BACH2: variants seen among roughly 807,000 people sequenced by gnomAD.
BACH2 encodes transcription regulator protein BACH2.
In BACH2, 5 loss-of-function variants were observed where a neutral mutation model predicts 61.8. The observed-to-expected ratio is 0.08, with a 90% confidence interval of 0.04 to 0.17. The LOEUF is 0.17. BACH2 is among the 10% of genes least tolerant of loss of function. The pLI, the probability that BACH2 is intolerant of heterozygous loss-of-function variation, is 1.00. For synonymous variants in BACH2, 446 were observed against 440.1 expected, an observed-to-expected ratio of 1.01 and a Z score of -0.17; for missense variants, 824 against 1,091.1, an observed-to-expected ratio of 0.76 and a Z score of 3.45.
intron 7 of BACH2, among the ~76,000 whole-genome samples, chr6:89,946,973 A>T (rs1403965611): frequency 1.3e-5 from 2 of 152,234 alleles, no homozygotes; most frequent in African/African-American, 4.8e-5. Flanking sequence ...ACACGGTATA[A>T]CTACAACATC....
At chr6:90,037,060 T>TA (rs1384950586) in intron 5 of BACH2, among the ~76,000 whole-genome samples, 4 of 152,124 alleles carry the variant, frequency 2.6e-5, no homozygotes, top group Non-Finnish European at 5.9e-5. Context: ...ATTATTCCAT[T>TA]AAATTAGGAA....
chr6:90,160,845 C>T (rs963574472), intron 4 of BACH2, among the ~76,000 whole-genome samples: 4 of 152,224 alleles, frequency 2.6e-5, no homozygotes, highest in African/African-American at 4.8e-5. Flanking sequence ...AATCCCAGCA[C>T]TTTGGGAGGC....
intron 4 of BACH2, among the ~76,000 whole-genome samples, chr6:90,123,697 G>A (rs1016953144): frequency 1.4e-5 from 2 of 146,164 alleles, no homozygotes; most frequent in Non-Finnish European, 3.0e-5. Context: ...GTGAACCCGG[G>A]AGGCGGAGCT....
chr6:90,013,722 A>C (rs1330496484), intron 5 of BACH2, among the ~76,000 whole-genome samples: 1 of 151,532 alleles, frequency 6.6e-6, no homozygotes. Flanking sequence ...GTTAGCCAGG[A>C]TGGTCTTGAT....
intron 4 of BACH2, among the ~76,000 whole-genome samples, chr6:90,121,641 C>A (rs1783630603): frequency 6.6e-6 from 1 of 152,146 alleles, no homozygotes; most frequent in Non-Finnish European, 1.5e-5. Flanking sequence ...CTTCCGGGCT[C>A]AAGCAATTCT....
At chr6:89,947,285 T>C (rs1773783466) in intron 7 of BACH2, among the ~76,000 whole-genome samples, 1 of 152,154 alleles carries the variant, frequency 6.6e-6, no homozygotes, top group African/African-American at 2.4e-5. Flanking sequence ...CCTTGAGCAC[T>C]ATTACTGGGG....
At chr6:90,060,972 T>C (rs570855536) in intron 5 of BACH2, among the ~76,000 whole-genome samples, 2 of 152,326 alleles carry the variant, frequency 1.3e-5, no homozygotes, top group Non-Finnish European at 1.5e-5. Flanking sequence ...TTTTCTTAGA[T>C]ATTTTCATTA....
intron 5 of BACH2, among the ~76,000 whole-genome samples, chr6:90,078,795 A>C (rs1781588775): frequency 6.6e-6 from 1 of 152,174 alleles, no homozygotes; most frequent in South Asian, 2.1e-4. Context: ...GTCAACAAGT[A>C]GCTAAGCTAA....
At chr6:90,213,656 A>G (rs777169480) in intron 3 of BACH2, among the ~76,000 whole-genome samples, 27 of 152,170 alleles carry the variant, frequency 1.8e-4, no homozygotes, top group Non-Finnish European at 3.7e-4. Flanking sequence ...GAAATTCTTT[A>G]TATCTCTGGA....
chr6:90,203,742 T>G (rs939464476), intron 4 of BACH2, among the ~76,000 whole-genome samples: 1 of 152,186 alleles, frequency 6.6e-6, no homozygotes. Flanking sequence ...TAGACTGGCC[T>G]CAGGGATGAC....
chr6:90,050,237 A>G (rs1267374604), intron 5 of BACH2, among the ~76,000 whole-genome samples: 1 of 152,244 alleles, frequency 6.6e-6, no homozygotes, highest in Non-Finnish European at 1.5e-5. Flanking sequence ...CAATCATACA[A>G]AATCATACTT....
chr6:90,106,994 G>A (rs2127814387), intron 4 of BACH2, among the ~76,000 whole-genome samples: 1 of 152,252 alleles, frequency 6.6e-6, no homozygotes, highest in Admixed American at 6.5e-5. Flanking sequence ...TATTTGACAT[G>A]GTTTCAGGTT....
chr6:90,228,315 C>A (rs1163211893), intron 3 of BACH2, among the ~76,000 whole-genome samples: 1 of 152,200 alleles, frequency 6.6e-6, no homozygotes, highest in Non-Finnish European at 1.5e-5. Context: ...CAGCTGCTGT[C>A]TCCCAATAGT....
intron 5 of BACH2, among the ~76,000 whole-genome samples, chr6:90,013,701 G>C (rs1198231661): frequency 3.3e-5 from 5 of 151,706 alleles, no homozygotes; most frequent in African/African-American, 4.8e-5. Flanking sequence ...GTAGAGACAG[G>C]GTTTCACCAT....
At chr6:90,027,574 G>A (rs1328650200) in intron 5 of BACH2, among the ~76,000 whole-genome samples, 1 of 152,086 alleles carries the variant, frequency 6.6e-6, no homozygotes, top group African/African-American at 2.4e-5. Context: ...GTGCCACAAG[G>A]GCTCATTGGC....
At chr6:90,103,991 GGTCAGTGACCGACAAA>G (rs2127813213) in intron 4 of BACH2, among the ~76,000 whole-genome samples, 1 of 152,230 alleles carries the variant, frequency 6.6e-6, no homozygotes, top group East Asian at 1.9e-4. Context: ...GAAGTGGCCT[GGTCAGTGACCGACAAA>G]GTGGCAAAGA....
At chr6:90,056,132 A>G (rs1258898977) in intron 5 of BACH2, among the ~76,000 whole-genome samples, 1 of 152,230 alleles carries the variant, frequency 6.6e-6, no homozygotes, top group East Asian at 1.9e-4. Context: ...TATTAACTTT[A>G]AATGTAAATG....
chr6:90,079,032 C>T (rs1267482455), intron 5 of BACH2, among the ~76,000 whole-genome samples: 1 of 152,160 alleles, frequency 6.6e-6, no homozygotes, highest in Non-Finnish European at 1.5e-5. Context: ...ATGCCACAAC[C>T]ACTCAGTCAG....
At chr6:90,132,322 TA>T (rs1348688879) in intron 4 of BACH2, among the ~76,000 whole-genome samples, 1 of 152,148 alleles carries the variant, frequency 6.6e-6, no homozygotes, top group Non-Finnish European at 1.5e-5. Flanking sequence ...TCATACCCCC[TA>T]AACAGCTTTG....
Sources: gnomAD v4.1 joint callset for allele counts (sites outside exome capture counted in the v4.1 genomes callset) on GRCh38, gnomAD v4.1.1 for gene constraint, MANE v1.5 for transcripts, NCBI Gene and HGNC (gene_info 2026-07-23, HGNC 2026-07-21) for gene names.